Variants in GPR137C observed in about 807,000 individuals in gnomAD.
The protein encoded by GPR137C is integral membrane protein GPR137C.
In GPR137C, 27 loss-of-function variants were observed where a neutral mutation model predicts 43.4. The observed-to-expected ratio is 0.62, with a 90% confidence interval of 0.46 to 0.86. The LOEUF (loss-of-function observed/expected upper bound fraction) is 0.86, where lower values mean the gene tolerates loss of function less well. Ranked by LOEUF, GPR137C falls within the 40% of genes least tolerant of loss-of-function variation. The probability of loss-of-function intolerance (pLI) is 0.00; values close to 1 mark genes in which losing one functional copy is unlikely to be tolerated. For synonymous variants in GPR137C, 285 were observed against 226.9 expected (o/e 1.26, Z -2.30); for missense variants, 522 against 534.6 (o/e 0.98, Z 0.23).
chr14:52,630,158 A>G (rs2039278165), intron 3 of GPR137C, among the ~76,000 whole-genome samples: 1 of 152,000 alleles, frequency 6.6e-6, no homozygotes, highest in Non-Finnish European at 1.5e-5. Context: ...ATGTAATTTG[A>G]CTAGAGGTTG....
intron 1 of GPR137C, among the ~76,000 whole-genome samples, chr14:52,579,250 TG>T (rs1267949408): frequency 6.6e-6 from 1 of 152,208 alleles, no homozygotes; most frequent in Non-Finnish European, 1.5e-5. Flanking sequence ...AACTATCAAC[TG>T]TGCCTGGCAT....
intron 1 of GPR137C, among the ~76,000 whole-genome samples, chr14:52,579,599 G>A (rs1415817742): frequency 6.6e-6 from 1 of 152,124 alleles, no homozygotes; most frequent in Non-Finnish European, 1.5e-5. Context: ...GATTTGCTAG[G>A]ACTCACAATT....
At chr14:52,578,244 G>C (rs1019660697) in intron 1 of GPR137C, among the ~76,000 whole-genome samples, 4 of 152,088 alleles carry the variant, frequency 2.6e-5, no homozygotes, top group African/African-American at 9.7e-5. Context: ...AGACATTCTC[G>C]TATTTTTAAC....
intron 1 of GPR137C, among the ~76,000 whole-genome samples, chr14:52,561,879 CTGTATT>C (rs769563120): frequency 1.1e-4 from 17 of 152,224 alleles, no homozygotes; most frequent in South Asian, 4.2e-4. Flanking sequence ...GGGAGATACT[CTGTATT>C]TGATTGTGAT....
intron 3 of GPR137C, among the ~76,000 whole-genome samples, chr14:52,607,589 T>G (rs1158996898): frequency 6.6e-6 from 1 of 152,202 alleles, no homozygotes; most frequent in Non-Finnish European, 1.5e-5. Context: ...AAGTCTATTT[T>G]ATCTGGCCAA....
chr14:52,567,353 T>G (rs1392081470), intron 1 of GPR137C, among the ~76,000 whole-genome samples: 1 of 152,148 alleles, frequency 6.6e-6, no homozygotes, highest in Admixed American at 6.5e-5. Flanking sequence ...GAAAAGAGCA[T>G]CTCTAAAATT....
chr14:52,563,735 C>T (rs1176485838), intron 1 of GPR137C, among the ~76,000 whole-genome samples: 4 of 152,186 alleles, frequency 2.6e-5, no homozygotes, highest in East Asian at 1.9e-4. Context: ...AATTCAGAAA[C>T]GTGAGTCCTT....
intron 1 of GPR137C, among the ~76,000 whole-genome samples, chr14:52,586,878 T>C (rs1181551520): frequency 6.6e-6 from 1 of 152,208 alleles, no homozygotes; most frequent in Non-Finnish European, 1.5e-5. Context: ...CCTGAGAATA[T>C]AGTTTAGTCA....
chr14:52,610,045 A>G (rs898311802), intron 3 of GPR137C, among the ~76,000 whole-genome samples: 2 of 152,034 alleles, frequency 1.3e-5, no homozygotes, highest in African/African-American at 4.8e-5. Flanking sequence ...CCTAAATTGC[A>G]TTTTCTACAG....
chr14:52,625,481 CAA>C (rs531582064), intron 3 of GPR137C, among the ~76,000 whole-genome samples: 2 of 44,806 alleles, frequency 4.5e-5, no homozygotes, highest in African/African-American at 8.4e-5. Flanking sequence ...GACTCCATCC[CAA>C]AAAAAAAAAA....
intron 1 of GPR137C, among the ~76,000 whole-genome samples, chr14:52,565,970 G>C (rs1395070356): frequency 6.6e-6 from 1 of 152,092 alleles, no homozygotes; most frequent in East Asian, 1.9e-4. Flanking sequence ...AAGATACCTT[G>C]AATTCTAGTA....
chr14:52,616,196 G>C (rs2039097035), intron 3 of GPR137C, among the ~76,000 whole-genome samples: 1 of 152,194 alleles, frequency 6.6e-6, no homozygotes, highest in African/African-American at 2.4e-5. Flanking sequence ...TTACACATCA[G>C]TATGAGTTGG....
intron 3 of GPR137C, among the ~76,000 whole-genome samples, chr14:52,628,383 T>A (rs2039254629): frequency 6.6e-6 from 1 of 152,004 alleles, no homozygotes; most frequent in Non-Finnish European, 1.5e-5. Context: ...TAAATGTAAA[T>A]GAAACAAGTG....
chr14:52,623,653 C>T (rs1419001411), intron 3 of GPR137C, among the ~76,000 whole-genome samples: 1 of 87,228 alleles, frequency 1.1e-5, no homozygotes, highest in Non-Finnish European at 2.4e-5. Flanking sequence ...ATTTATAAAG[C>T]TTACTGAAAG....
intron 1 of GPR137C, among the ~76,000 whole-genome samples, chr14:52,559,032 A>C (rs2038238183): frequency 6.6e-6 from 1 of 152,234 alleles, no homozygotes; most frequent in Admixed American, 6.5e-5. Context: ...TTTCAGATCC[A>C]GAAAGCCCAA....
At chr14:52,560,581 T>C (rs569151693) in intron 1 of GPR137C, among the ~76,000 whole-genome samples, 155 of 152,318 alleles carry the variant, frequency 1.0e-3, no homozygotes, top group Non-Finnish European at 1.9e-3. Context: ...TGGAGCAGGA[T>C]AGAGAATCCA....
intron 3 of GPR137C, among the ~76,000 whole-genome samples, chr14:52,629,513 C>T (rs947158931): frequency 1.3e-5 from 2 of 152,140 alleles, no homozygotes; most frequent in Non-Finnish European, 1.5e-5. Flanking sequence ...GCAATAAAAA[C>T]AACTAACTCC....
chr14:52,620,606 CCCA>C, intron 3 of GPR137C, among the ~76,000 whole-genome samples: 1 of 149,954 alleles, frequency 6.7e-6, no homozygotes, highest in East Asian at 2.0e-4. Flanking sequence ...TGAAGACAAC[CCCA>C]CCACCACCAA....
intron 3 of GPR137C, among the ~76,000 whole-genome samples, chr14:52,607,919 A>G (rs1223604969): frequency 2.0e-5 from 3 of 151,744 alleles, no homozygotes; most frequent in Non-Finnish European, 4.4e-5. Context: ...ATCTGATATG[A>G]ATATAGCTCT....
Sources: allele counts gnomAD v4.1 joint callset (sites outside exome capture counted in the v4.1 genomes callset), GRCh38; gene constraint gnomAD v4.1.1; transcripts MANE v1.5; gene names NCBI Gene and HGNC (gene_info 2026-07-23, HGNC 2026-07-21).